Variants in A1CF observed in about 807,000 individuals in gnomAD.
A1CF encodes the protein APOBEC1 complementation factor.
In A1CF, 48 loss-of-function variants were observed where a neutral mutation model predicts 68.9. The ratio of observed to expected loss-of-function variants is 0.70; its 90% CI spans 0.55 to 0.89. A1CF has a LOEUF of 0.89. Among genes scored for constraint, A1CF ranks in the 40% least tolerant of loss-of-function variants. The pLI, the probability that A1CF is intolerant of heterozygous loss-of-function variation, is 0.00. For missense variants in A1CF, 653 were observed against 718.9 expected, an observed-to-expected ratio of 0.91 and a Z score of 1.05; for synonymous variants, 272 against 260.4, an observed-to-expected ratio of 1.04 and a Z score of -0.43.
At position 50,816,125 on chromosome 10, in the gene A1CF, T is replaced by G; in HGVS notation, c.1022A>C (p.Tyr341Ser). Residue 341 changes from tyrosine to serine, a missense_variant, in exon 9 of 13, where the codon TAC becomes TCC. Physicochemically the swap from Tyr to Ser is moderately radical, Grantham distance 144 (BLOSUM62 -2). Coordinates refer to ENST00000373997, the MANE Select transcript of A1CF (RefSeq NM_014576.4). Reference sequence around the variant, plus strand: ...GGCATAGAAGACAGGAGCTCCAAGGTAGGTTGTGGTGGGATCATAAACTTG... The same window carrying G: ...GGCATAGAAGACAGGAGCTCCAAGGGAGGTTGTGGTGGGATCATAAACTTG... ...LGQVYDPTTTYLGAPVFYAPQ... is the reference protein window; with the variant it reads ...LGQVYDPTTTSLGAPVFYAPQ... 6.2e-7 allele frequency: 1 copy of G among 1,613,570 alleles called. No individual in the cohort carries two copies. The highest frequency in any genetic ancestry group is 8.5e-7 in the Non-Finnish European group (1 of 1,179,812).
At chr10:50,867,324 T>C (rs1458109553) in intron 1 of A1CF, among the ~76,000 whole-genome samples, 1 of 152,050 alleles carries the variant, frequency 6.6e-6, no homozygotes, top group Non-Finnish European at 1.5e-5. Context: ...TATATATGTA[T>C]AGTAGAATTT....
rs565486798 is a variant in A1CF at position 50,828,056 on chromosome 10, C to T, written c.769+75G>A. On this transcript the variant is annotated intron_variant, in intron 7 of 12. Coordinates refer to ENST00000373997, the MANE Select transcript of A1CF (RefSeq NM_014576.4). The stretch of plus-strand genomic sequence containing the variant: ...ATCTAGAAGAAATGGACAAATTCCT[C>T]GACACATACACCCTCCCAAGACTAA... The T allele has an allele frequency of 8.6e-5, 95 of 1,098,442 alleles. 1 individual carries two copies. The East Asian group carries it at 1.0e-3, about 12-fold the overall frequency. 68.0% of individuals were successfully genotyped at this position (1,098,442 alleles called of 1,614,324 possible).
Position 50,809,983 on chromosome 10 carries a change from G to C in A1CF, c.1520C>G (p.Ala507Gly). ...AFVDEAKTYA[A>G]EYTLQTLGIP... Reference sequence around the variant, plus strand: ...GCCCAGGGTCTGCAGGGTGTATTCGGCTGCATACGTCTTTGCTTCATCCAC... The same window carrying C: ...GCCCAGGGTCTGCAGGGTGTATTCGCCTGCATACGTCTTTGCTTCATCCAC... Residue 507 changes from alanine to glycine, a missense_variant, in exon 12 of 13, where the codon GCC becomes GGC. Coordinates refer to ENST00000373997, the MANE Select transcript of A1CF (RefSeq NM_014576.4). The C allele has an allele frequency of 6.2e-7, 1 of 1,614,024 alleles. No homozygotes were observed. Among genetic ancestry groups the C allele is most frequent in the Non-Finnish European group, 8.5e-7 (1 of 1,179,934 alleles).
In A1CF at chr10:50,837,707, C is replaced by A. The variant is rs1381017248; in HGVS notation, c.366-1395G>T. Reference sequence around the variant, plus strand: ...CTGATCATTCAAAAGTGCCTCCCCACCTTTCTAAATGCCCCCTTGGGTGGA... The same window carrying A: ...CTGATCATTCAAAAGTGCCTCCCCAACTTTCTAAATGCCCCCTTGGGTGGA... On this transcript the variant is annotated intron_variant, in intron 5 of 12. Transcript: ENST00000373997. Among the ~76,000 whole-genome samples, 3 of 152,174 alleles carry A rather than the reference C, an allele frequency of 2.0e-5. No individual in the cohort carries two copies. The East Asian group carries it at 5.8e-4, about 29-fold the overall frequency.
At chr10:50,847,228 G>A (rs1840042016) in intron 3 of A1CF, among the ~76,000 whole-genome samples, 1 of 152,080 alleles carries the variant, frequency 6.6e-6, no homozygotes, top group South Asian at 2.1e-4. Context: ...ATTAAACTCT[G>A]GAAACTTTTA....
intron 6 of A1CF, 109 bp from the exon 7 acceptor site, chr10:50,828,404 G>T: frequency 1.2e-6 from 1 of 805,978 alleles, no homozygotes; most frequent in Non-Finnish European, 1.8e-6. Flanking sequence ...GGTCTTGAAT[G>T]AGCAAGAAGA....
intron 3 of A1CF, among the ~76,000 whole-genome samples, chr10:50,857,297 T>A (rs1490519097): frequency 6.6e-6 from 1 of 152,158 alleles, no homozygotes; most frequent in Non-Finnish European, 1.5e-5. Context: ...CAAACATTTA[T>A]TTGTGTTGGG....
At position 50,803,727 on chromosome 10, in the gene A1CF, A is replaced by G. The variant is rs1009821239; in HGVS notation, c.*3002T>C. The stretch of plus-strand genomic sequence containing the variant: ...AGCTATTAATTACCAAAATTTAGAG[A>G]ACTAATTCAAATTTACTGGATGTTC... On this transcript the variant is annotated 3_prime_UTR_variant, in exon 13 of 13. Transcript: ENST00000373997. 8 of 152,192 alleles carry G rather than the reference A, an allele frequency of 5.3e-5. No individual in the cohort carries two copies. Among genetic ancestry groups the G allele is most frequent in the African/African-American group, 1.9e-4 (8 of 41,450 alleles). The allele number at this position is 152,192 out of a possible 1,614,324, so 9.4% of individuals were successfully genotyped here. A position where few individuals can be genotyped will look rare whatever the true frequency, so the allele number is the denominator to read the frequency against.
intron 2 of A1CF, among the ~76,000 whole-genome samples, chr10:50,862,719 A>G (rs781745673): frequency 3.9e-5 from 6 of 152,260 alleles, no homozygotes; most frequent in Non-Finnish European, 8.8e-5. Flanking sequence ...AAGACTTACA[A>G]AGGAAACTAG....
intron 1 of A1CF, among the ~76,000 whole-genome samples, chr10:50,869,745 A>G (rs1024945422): frequency 2.0e-5 from 3 of 152,066 alleles, no homozygotes; most frequent in Non-Finnish European, 4.4e-5. Flanking sequence ...AGGTTACAAA[A>G]CAGAATGTAT....
intron 1 of A1CF, among the ~76,000 whole-genome samples, chr10:50,876,582 G>A (rs1841522000): frequency 1.3e-5 from 2 of 152,198 alleles, no homozygotes; most frequent in Admixed American, 1.3e-4. Flanking sequence ...AGGGACATTG[G>A]CCTTTCCTGA....
At chr10:50,880,040 G>GA (rs1462122453) in intron 1 of A1CF, among the ~76,000 whole-genome samples, 2 of 152,190 alleles carry the variant, frequency 1.3e-5, no homozygotes, top group Non-Finnish European at 2.9e-5. Context: ...TTTACAGTGG[G>GA]AAGTGGTATA....
chr10:50,820,764 T>G (rs1402773747), intron 7 of A1CF, 115 bp from the exon 8 acceptor site: 2 of 713,546 alleles, frequency 2.8e-6, no homozygotes, highest in African/African-American at 1.8e-5. Flanking sequence ...TACCTCATAT[T>G]TAAGTAAGGA....
intron 2 of A1CF, among the ~76,000 whole-genome samples, 152 bp downstream of exon 2, chr10:50,863,881 A>G (rs1440314688): frequency 2.6e-5 from 4 of 152,246 alleles, no homozygotes; most frequent in Non-Finnish European, 4.4e-5. Context: ...TGTTCCAAAC[A>G]TAAAGAGAAA....
Position 50,859,976 on chromosome 10 carries a change from G to C in A1CF, c.-36C>G. On this transcript the variant is annotated 5_prime_UTR_variant, in exon 3 of 13. Transcript: ENST00000373997. Reference sequence around the variant, plus strand: ...TATCAGCAAAAAATCAGGTTAATTAGGGTTGCTCACTGAAACCAAATTTAA... The same window carrying C: ...TATCAGCAAAAAATCAGGTTAATTACGGTTGCTCACTGAAACCAAATTTAA... 7 of 1,582,858 alleles carry C rather than the reference G, an allele frequency of 4.4e-6. No homozygotes were observed. The highest frequency in any genetic ancestry group is 6.1e-6 in the Non-Finnish European group (7 of 1,153,226).
chr10:50,819,237 C>T (rs1838520748), intron 8 of A1CF, among the ~76,000 whole-genome samples: 3 of 152,082 alleles, frequency 2.0e-5, no homozygotes, highest in African/African-American at 7.2e-5. Context: ...GAGATCCTCC[C>T]ACCTCAGCCC....
At chr10:50,809,811 C>T (rs1365066804) in intron 12 of A1CF, 83 bp downstream of exon 12, 23 of 1,572,318 alleles carry the variant, frequency 1.5e-5, no homozygotes, top group East Asian at 2.2e-5. Context: ...GGTACACAAA[C>T]ATTTCTGTGA....
rs575896511 is a variant in A1CF, at chr10:50,828,067, C to G, written c.769+64G>C. ...ATGGACAAATTCCTCGACACATACA[C>G]CCTCCCAAGACTAAACCAGGACAAA... On this transcript the variant is annotated intron_variant, in intron 7 of 12. Coordinates refer to ENST00000373997, the MANE Select transcript of A1CF (RefSeq NM_014576.4). 2.5e-4 allele frequency: 313 copies of G among 1,264,404 alleles called. 1 individual carries two copies. The highest frequency in any genetic ancestry group is 1.1e-3 in the South Asian group (56 of 52,300). 78.3% of individuals were successfully genotyped at this position (1,264,404 alleles called of 1,614,324 possible). A position where few individuals can be genotyped will look rare whatever the true frequency, so the allele number is the denominator to read the frequency against.
chr10:50,846,856 G>A (rs1024838486), intron 3 of A1CF, among the ~76,000 whole-genome samples: 2 of 152,070 alleles, frequency 1.3e-5, no homozygotes, highest in Non-Finnish European at 2.9e-5. Context: ...AAAGAGTCTG[G>A]CCAGTTCAGG....
Sources: gnomAD v4.1 joint callset for allele counts (sites outside exome capture counted in the v4.1 genomes callset) on GRCh38, gnomAD v4.1.1 for gene constraint, MANE v1.5 for transcripts, NCBI Gene and HGNC (gene_info 2026-07-23, HGNC 2026-07-21) for gene names.